The following VWF variants were observed in gnomAD, a reference collection of about 807,000 sequenced individuals.
The protein encoded by VWF is von Willebrand factor, also known as Factor VIII related antigen.
A neutral mutation model predicts 308.6 loss-of-function variants in VWF; 176 were observed. That is an observed-to-expected ratio of 0.57 (90% CI 0.50 to 0.65). VWF has a LOEUF of 0.65. Among genes scored for constraint, VWF ranks in the 30% least tolerant of loss-of-function variants. The pLI is 0.00. For synonymous variants in VWF, 1,385 were observed against 1,443.4 expected (o/e 0.96, Z 0.92); for missense variants, 3,146 against 3,648.2 (o/e 0.86, Z 3.55).
intron 5 of VWF, among the ~76,000 whole-genome samples, chr12:6,099,419 T>G (rs1945138223): frequency 6.6e-6 from 1 of 152,160 alleles, no homozygotes; most frequent in South Asian, 2.1e-4. Flanking sequence ...TATCTGTACT[T>G]GTGGGAAAGC....
chr12:6,110,754 TC>T, intron 4 of VWF, 111 bp downstream of exon 4: 1 of 1,367,540 alleles, frequency 7.3e-7, no homozygotes, highest in East Asian at 2.3e-5. Flanking sequence ...GCTACTCACT[TC>T]CTTGGAACAT....
At chr12:6,080,072 TC>T (rs748861559) in intron 6 of VWF, among the ~76,000 whole-genome samples, 6 of 151,802 alleles carry the variant, frequency 4.0e-5, no homozygotes, top group Admixed American at 1.3e-4. Context: ...ATCAAGAGCC[TC>T]CTTTTCCAGG....
chr12:5,991,743 A>G (rs1943746007), intron 38 of VWF, 76 bp downstream of exon 38: 2 of 1,522,420 alleles, frequency 1.3e-6, no homozygotes, highest in South Asian at 2.3e-5. Context: ...GAAGAGGCCA[A>G]TCACTGGTGA....
chr12:5,979,903 T>C (rs1338038056), intron 42 of VWF, among the ~76,000 whole-genome samples: 1 of 148,926 alleles, frequency 6.7e-6, no homozygotes, highest in Non-Finnish European at 1.5e-5. Context: ...TAGCCGGGCG[T>C]GGTGGCGGGC....
intron 38 of VWF, 54 bp from the exon 39 acceptor site, chr12:5,985,719 C>T: frequency 6.5e-7 from 1 of 1,536,020 alleles, no homozygotes; most frequent in Non-Finnish European, 9.0e-7. Flanking sequence ...GTACGAAGCC[C>T]AGAATTCACA....
chr12:6,092,624 T>TG (rs1180180618), intron 6 of VWF, among the ~76,000 whole-genome samples: 1 of 87,014 alleles, frequency 1.1e-5, no homozygotes, highest in Non-Finnish European at 2.2e-5. Context: ...TGAGAGTGTG[T>TG]GTGTGTGTGT....
intron 34 of VWF, among the ~76,000 whole-genome samples, chr12:6,006,513 C>T (rs1284410879): frequency 4.6e-5 from 7 of 152,180 alleles, no homozygotes; most frequent in Non-Finnish European, 8.8e-5. Context: ...TGCGGTGGCT[C>T]ATGTCTGTGA....
intron 47 of VWF, among the ~76,000 whole-genome samples, chr12:5,956,718 A>C (rs115726920): frequency 0.017 from 2,642 of 152,258 alleles, 80 homozygotes; most frequent in African/African-American, 0.061. Flanking sequence ...GATATAAAGA[A>C]AAAATATTTT....
At chr12:6,096,368 GA>G (rs2136501601) in intron 5 of VWF, among the ~76,000 whole-genome samples, 1 of 152,240 alleles carries the variant, frequency 6.6e-6, no homozygotes. Context: ...GGTCCTTTCT[GA>G]ACAGCTCTAC....
intron 6 of VWF, among the ~76,000 whole-genome samples, chr12:6,086,105 G>T (rs571444233): frequency 1.3e-5 from 2 of 152,086 alleles, no homozygotes; most frequent in Admixed American, 6.6e-5. Context: ...ATCCATGGGG[G>T]GTTCCGTGGA....
In VWF at chr12:6,009,426, A is replaced by AACACACACAC. The variant is rs3062550; in HGVS notation, c.5842+2181_5842+2190dup. Among the ~76,000 whole-genome samples, 215 of 146,626 alleles carry AACACACACAC rather than the reference A, an allele frequency of 1.5e-3. 1 individual carries two copies. Among genetic ancestry groups the AACACACACAC allele is most frequent in the Middle Eastern group, 3.4e-3 (1 of 292 alleles). The stretch of plus-strand genomic sequence containing the variant: ...ATACGTGCTAGAATGGCCATTATCA[A>AACACACACAC]ACACACACACACACACACACACACA... On this transcript the variant is annotated intron_variant, in intron 34 of 51. Transcript: ENST00000261405.
rs773444185 is a variant in VWF, at chr12:6,054,749, GT to G, written c.1946-1967del. 4.6e-5 allele frequency among the ~76,000 whole-genome samples: 7 copies of G among 151,932 alleles called. No homozygotes were observed. In the East Asian group the frequency reaches 1.4e-3, roughly 30 times the overall value. ...CACCATCCCACAAAGTAGCTACATGGTAAGTCTGTGCTCCCTGAGTGTCTCC... is the reference window on the plus strand; with the variant it reads ...CACCATCCCACAAAGTAGCTACATGGAAGTCTGTGCTCCCTGAGTGTCTCC... On this transcript the variant is annotated intron_variant, in intron 15 of 51. Transcript: ENST00000261405.
chr12:6,122,310 C>T (rs1945441068), intron 2 of VWF, among the ~76,000 whole-genome samples: 1 of 152,164 alleles, frequency 6.6e-6, no homozygotes. Flanking sequence ...CATAAATCTA[C>T]TAGCATGTCT....
At chr12:6,105,358 A>T (rs1945229640) in intron 5 of VWF, among the ~76,000 whole-genome samples, 1 of 152,010 alleles carries the variant, frequency 6.6e-6, no homozygotes, top group South Asian at 2.1e-4. Flanking sequence ...CCTCCCTAGT[A>T]GCTAGGATTA....
At position 6,077,223 on chromosome 12, in the gene VWF, T is replaced by C. The variant is rs552273562; in HGVS notation, c.658-1672A>G. Among the ~76,000 whole-genome samples the C allele has an allele frequency of 2.6e-5, 4 of 152,254 alleles. No individual in the cohort carries two copies. The East Asian group carries it at 5.8e-4, about 22-fold the overall frequency. On this transcript the variant is annotated intron_variant, in intron 6 of 51. Transcript: ENST00000261405. ...TACTCGGGAGGCTGGGGCAAGAGAATTGCTTGAACGGCGGGGCAGGGGTGG... is the reference window on the plus strand; with the variant it reads ...TACTCGGGAGGCTGGGGCAAGAGAACTGCTTGAACGGCGGGGCAGGGGTGG...
chr12:6,074,487 T>TAAAAAAAAA (rs776702305), intron 7 of VWF, among the ~76,000 whole-genome samples: 1 of 61,982 alleles, frequency 1.6e-5, no homozygotes. Context: ...TTCACAGACC[T>TAAAAAAAAA]AAAAAAAAAA....
intron 47 of VWF, among the ~76,000 whole-genome samples, chr12:5,957,373 A>G (rs78245005): frequency 0.076 from 11,644 of 152,286 alleles, 546 homozygotes; most frequent in African/African-American, 0.13. Flanking sequence ...TAAGGAAATA[A>G]TAACTGAAAT....
chr12:5,963,043 C>G (rs1943337674), intron 47 of VWF, among the ~76,000 whole-genome samples: 1 of 152,170 alleles, frequency 6.6e-6, no homozygotes, highest in Admixed American at 6.5e-5. Context: ...ACATAGGATA[C>G]TATCTTCATG....
chr12:6,013,684 A>G, intron 31 of VWF, 39 bp from the exon 32 acceptor site: 1 of 1,611,052 alleles, frequency 6.2e-7, no homozygotes, highest in Non-Finnish European at 8.5e-7. Context: ...TCTGTGGGCA[A>G]GAAGGCTCAA....
Sources: gnomAD v4.1 joint callset for allele counts (sites outside exome capture counted in the v4.1 genomes callset) on GRCh38, gnomAD v4.1.1 for gene constraint, MANE v1.5 for transcripts, NCBI Gene and HGNC (gene_info 2026-07-23, HGNC 2026-07-21) for gene names.